MED13L: variants seen among roughly 807,000 people sequenced by gnomAD.
MED13L encodes mediator of RNA polymerase II transcription subunit 13-like.
MED13L carries 7 observed loss-of-function variants against 220.9 expected under a neutral mutation model. That is an observed-to-expected ratio of 0.03 (90% CI 0.02 to 0.06). The LOEUF is 0.06. Ranked by LOEUF, MED13L falls within the 10% of genes least tolerant of loss-of-function variation. MED13L has a pLI of 1.00. For synonymous variants in MED13L, 1,011 were observed against 1,015.2 expected, an observed-to-expected ratio of 1.00 and a Z score of 0.08; for missense variants, 1,965 against 2,760.5, an observed-to-expected ratio of 0.71 and a Z score of 6.46.
At chr12:115,963,938 AT>A (rs1875954793) in intron 29 of MED13L, among the ~76,000 whole-genome samples, 1 of 152,028 alleles carries the variant, frequency 6.6e-6, no homozygotes, top group Non-Finnish European at 1.5e-5. Flanking sequence ...TTAAAAAAAA[AT>A]AGCTGGGCAT....
At chr12:116,091,038 T>C (rs182181533) in intron 4 of MED13L, among the ~76,000 whole-genome samples, 36 of 149,276 alleles carry the variant, frequency 2.4e-4, no homozygotes, top group African/African-American at 8.2e-4. Flanking sequence ...GGCAGGAGAA[T>C]TGCTTGAACC....
chr12:116,047,520 T>C lies in MED13L; in HGVS notation c.480-24919A>G, dbSNP rs150148232. Among the ~76,000 whole-genome samples the C allele has an allele frequency of 3.0e-3, 459 of 152,304 alleles. 3 individuals carry two copies. The highest frequency in any genetic ancestry group is 0.01 in the African/African-American group (427 of 41,562). On this transcript the variant is annotated intron_variant, in intron 4 of 30. Transcript: ENST00000281928. ...ATCAGCTACATGATTCCAAGTGACATGTTCTTGATAGTCAATAAAATTTCA... is the reference window on the plus strand; with the variant it reads ...ATCAGCTACATGATTCCAAGTGACACGTTCTTGATAGTCAATAAAATTTCA...
intron 17 of MED13L, among the ~76,000 whole-genome samples, chr12:115,989,859 A>T (rs1238177101): frequency 1.3e-5 from 2 of 152,148 alleles, no homozygotes. Context: ...GGTCTTCCTC[A>T]CTAACCTCCT....
intron 2 of MED13L, among the ~76,000 whole-genome samples, chr12:116,233,219 T>C (rs1447799705): frequency 1.3e-5 from 2 of 152,012 alleles, no homozygotes; most frequent in Non-Finnish European, 2.9e-5. Flanking sequence ...ACAGCAAAGG[T>C]ATAATAAAAG....
At chr12:116,145,828 G>A (rs1593097742) in intron 2 of MED13L, among the ~76,000 whole-genome samples, 1 of 151,690 alleles carries the variant, frequency 6.6e-6, no homozygotes, top group Non-Finnish European at 1.5e-5. Context: ...ACTGTGCCTG[G>A]CCTCAAGCAC....
intron 4 of MED13L, among the ~76,000 whole-genome samples, chr12:116,048,757 T>A (rs1022565192): frequency 6.6e-6 from 1 of 152,202 alleles, no homozygotes; most frequent in African/African-American, 2.4e-5. Context: ...CTCTTATACC[T>A]TTCAATTGGA....
At chr12:116,099,274 T>A (rs1872865477) in intron 3 of MED13L, among the ~76,000 whole-genome samples, 1 of 152,188 alleles carries the variant, frequency 6.6e-6, no homozygotes, top group Non-Finnish European at 1.5e-5. Flanking sequence ...TTTCCTTATT[T>A]CTCAAGTCCA....
At chr12:116,129,607 A>G (rs1875887803) in intron 2 of MED13L, among the ~76,000 whole-genome samples, 1 of 151,354 alleles carries the variant, frequency 6.6e-6, no homozygotes, top group Non-Finnish European at 1.5e-5. Context: ...ACTATTCACA[A>G]GATAGAAATG....
intron 17 of MED13L, among the ~76,000 whole-genome samples, chr12:115,990,276 G>A (rs940179306): frequency 4.6e-5 from 7 of 152,124 alleles, no homozygotes; most frequent in African/African-American, 1.2e-4. Flanking sequence ...AGAGTGCCCC[G>A]TCTATCCCAT....
intron 1 of MED13L, 32 bp downstream of exon 1, chr12:116,277,026 GGC>G: frequency 3.8e-6 from 3 of 780,308 alleles, no homozygotes; most frequent in Middle Eastern, 3.6e-4. Context: ...CCCCTTCCCC[GGC>G]ACAGCCCCCT....
chr12:116,048,793 A>G (rs202176800), intron 4 of MED13L, among the ~76,000 whole-genome samples: 2 of 152,200 alleles, frequency 1.3e-5, no homozygotes, highest in Admixed American at 1.3e-4. Context: ...TAAGTTACAG[A>G]CAGCCATTAC....
rs142043800 is a variant in MED13L, at chr12:115,986,118, T to C, written c.4338+148A>G. The C allele has an allele frequency of 6.2e-4, 488 of 781,250 alleles. 1 individual carries two copies. In the African/African-American group the frequency reaches 7.5e-3, roughly 12 times the overall value. 48.4% of individuals were successfully genotyped at this position (781,250 alleles called of 1,614,324 possible). On this transcript the variant is annotated intron_variant, in intron 19 of 30. Transcript: ENST00000281928. ...GAAAGCAATTTGCTTCCAGAAAAATTGGCCAATTCAATTCTCTTCTTCATC... is the reference window on the plus strand; with the variant it reads ...GAAAGCAATTTGCTTCCAGAAAAATCGGCCAATTCAATTCTCTTCTTCATC...
At chr12:115,996,942 A>G in intron 15 of MED13L, 68 bp downstream of exon 15, 1 of 1,473,524 alleles carries the variant, frequency 6.8e-7, no homozygotes, top group East Asian at 2.3e-5. Flanking sequence ...ATACCATTTT[A>G]AAGCAGATGT....
chr12:116,242,037 A>G (rs887930393), intron 1 of MED13L, among the ~76,000 whole-genome samples: 16 of 149,374 alleles, frequency 1.1e-4, no homozygotes, highest in South Asian at 2.1e-4. Context: ...GTGCACTCCA[A>G]GTTCTTTTGT....
chr12:116,035,040 G>C (rs1394395020), intron 4 of MED13L, among the ~76,000 whole-genome samples: 2 of 152,068 alleles, frequency 1.3e-5, no homozygotes, highest in Non-Finnish European at 2.9e-5. Flanking sequence ...AAAAAGCAGA[G>C]AAACTCACTG....
chr12:116,215,714 C>T (rs1489253132), intron 2 of MED13L, among the ~76,000 whole-genome samples: 3 of 152,108 alleles, frequency 2.0e-5, no homozygotes, highest in African/African-American at 4.8e-5. Flanking sequence ...TCCTTTCACA[C>T]AAAAGTGCAA....
intron 2 of MED13L, among the ~76,000 whole-genome samples, chr12:116,157,237 C>T (rs891985714): frequency 6.6e-6 from 1 of 152,150 alleles, no homozygotes; most frequent in South Asian, 2.1e-4. Flanking sequence ...TAGTATACTA[C>T]ACTAAGATTT....
rs1875738956 is a variant in MED13L at position 115,961,285 on chromosome 12, G to A, written c.6614C>T (p.Ala2205Val). The stretch of plus-strand genomic sequence containing the variant: ...TTCCAATTAAAGTATATTCATGATG[G>A]CATTGTACAACTGAGTGAGCACCAC... ...HFVVLTQLYN[A>V]IMNIL The change falls in exon 31 of 31, where the codon GCC becomes GTC. Residue 2205 changes from alanine to valine, a missense_variant. By Grantham distance (64) the Ala-to-Val change is moderately conservative (BLOSUM62 0). Coordinates refer to ENST00000281928, the MANE Select transcript of MED13L (RefSeq NM_015335.5). 1.9e-6 allele frequency: 3 copies of A among 1,614,170 alleles called. No homozygotes were observed. In the East Asian group the frequency reaches 6.7e-5, roughly 36 times the overall value.
At chr12:116,232,483 T>C (rs1382878354) in intron 2 of MED13L, among the ~76,000 whole-genome samples, 1 of 152,260 alleles carries the variant, frequency 6.6e-6, no homozygotes, top group African/African-American at 2.4e-5. Context: ...TAGGCTTCAA[T>C]ATCCTCGCAT....
Sources: gnomAD v4.1 joint callset for allele counts (sites outside exome capture counted in the v4.1 genomes callset) on GRCh38, gnomAD v4.1.1 for gene constraint, MANE v1.5 for transcripts, NCBI Gene and HGNC (gene_info 2026-07-23, HGNC 2026-07-21) for gene names.